Variants in ADAMTS3 observed in about 807,000 individuals in gnomAD.
ADAMTS3 encodes ADAM metallopeptidase with thrombospondin type 1 motif 3.
A neutral mutation model predicts 129.0 loss-of-function variants in ADAMTS3; 73 were observed. The observed-to-expected ratio is 0.57, with a 90% CI of 0.47 to 0.69. The LOEUF (loss-of-function observed/expected upper bound fraction) is 0.69, where lower values mean the gene tolerates loss of function less well. ADAMTS3 is among the 30% of genes least tolerant of loss of function. The pLI, the probability that ADAMTS3 is intolerant of heterozygous loss-of-function variation, is 0.00. For missense variants in ADAMTS3, 1,457 were observed against 1,514.5 expected, an observed-to-expected ratio of 0.96 and a Z score of 0.63; for synonymous variants, 477 against 510.8, an observed-to-expected ratio of 0.93 and a Z score of 0.89.
chr4:72,384,975 T>C (rs1387711341), intron 4 of ADAMTS3, among the ~76,000 whole-genome samples: 1 of 152,084 alleles, frequency 6.6e-6, no homozygotes, highest in African/African-American at 2.4e-5. Flanking sequence ...GAGACCATCC[T>C]GGCTAACACC....
At chr4:72,447,227 C>T (rs1188784544) in intron 3 of ADAMTS3, among the ~76,000 whole-genome samples, 1 of 151,694 alleles carries the variant, frequency 6.6e-6, no homozygotes, top group African/African-American at 2.4e-5. Flanking sequence ...TCCCTTATGT[C>T]TTTCTTTGCT....
chr4:72,326,710 G>A (rs1316382943), intron 5 of ADAMTS3, among the ~76,000 whole-genome samples: 1 of 152,026 alleles, frequency 6.6e-6, no homozygotes, highest in African/African-American at 2.4e-5. Flanking sequence ...AAAAAAAATT[G>A]TGAGTGTATT....
chr4:72,398,384 C>G (rs1208538849), intron 4 of ADAMTS3, among the ~76,000 whole-genome samples: 1 of 151,920 alleles, frequency 6.6e-6, no homozygotes, highest in Non-Finnish European at 1.5e-5. Flanking sequence ...TGGAGAAACC[C>G]CGTCTCTACT....
chr4:72,536,104 ATTAT>A (rs1474381065), intron 3 of ADAMTS3, among the ~76,000 whole-genome samples: 3 of 152,168 alleles, frequency 2.0e-5, no homozygotes, highest in Admixed American at 6.5e-5. Flanking sequence ...GTAAAACCTC[ATTAT>A]CGTAATGACA....
Position 72,282,973 on chromosome 4 carries a change from T to G in ADAMTS3, c.*163A>C. On this transcript the variant is annotated 3_prime_UTR_variant, in exon 22 of 22. Transcript: ENST00000286657. ...GAGTCAATGCAGAACAAAAGGAGGA[T>G]GAAAGCAACTAGAAAGTGAGCCAGC... The G allele has an allele frequency of 1.7e-6, 1 of 589,200 alleles. No homozygotes were observed. Among genetic ancestry groups the G allele is most frequent in the Middle Eastern group, 2.8e-4 (1 of 3,634 alleles). 36.5% of individuals were successfully genotyped at this position (589,200 alleles called of 1,614,324 possible).
At chr4:72,513,231 C>A (rs567921208) in intron 3 of ADAMTS3, among the ~76,000 whole-genome samples, 109 of 152,116 alleles carry the variant, frequency 7.2e-4, no homozygotes, top group Admixed American at 1.2e-3. Flanking sequence ...ATTCTATTTC[C>A]CATATTTCTT....
At chr4:72,304,728 G>C (rs1027360513) in intron 16 of ADAMTS3, among the ~76,000 whole-genome samples, 1 of 151,594 alleles carries the variant, frequency 6.6e-6, no homozygotes, top group African/African-American at 2.4e-5. Context: ...ATAATGAATG[G>C]GATTTTAAAT....
chr4:72,395,372 TAAGGACAAAAAAA>T (rs1721701381), intron 4 of ADAMTS3, among the ~76,000 whole-genome samples: 1 of 152,026 alleles, frequency 6.6e-6, no homozygotes. Flanking sequence ...CTAGCATGTA[TAAGGACAAAAAAA>T]GGCAAGGTTA....
In ADAMTS3 at chr4:72,548,904, A is replaced by G. The variant is rs988201416; in HGVS notation, c.98-20T>C. The G allele has an allele frequency of 1.9e-6, 3 of 1,593,538 alleles. No homozygotes were observed. Among genetic ancestry groups the G allele is most frequent in the Non-Finnish European group, 8.5e-7 (1 of 1,171,268 alleles). ...GTAAATCTGTGGGGTGAAAAACAGAACTGTCAAACCCTGTACAATAAGAGA... is the reference window on the plus strand; with the variant it reads ...GTAAATCTGTGGGGTGAAAAACAGAGCTGTCAAACCCTGTACAATAAGAGA... On this transcript the variant is annotated intron_variant, in intron 2 of 21. Coordinates refer to ENST00000286657, the MANE Select transcript of ADAMTS3 (RefSeq NM_014243.3).
At chr4:72,439,528 TAACA>T (rs1691347195) in intron 3 of ADAMTS3, among the ~76,000 whole-genome samples, 1 of 151,690 alleles carries the variant, frequency 6.6e-6, no homozygotes, top group Admixed American at 6.6e-5. Flanking sequence ...ATAGAACAAC[TAACA>T]GTGACTGGTA....
intron 3 of ADAMTS3, among the ~76,000 whole-genome samples, chr4:72,463,365 A>G (rs1165067603): frequency 6.6e-6 from 1 of 151,980 alleles, no homozygotes; most frequent in African/African-American, 2.4e-5. Flanking sequence ...GAAATGACCA[A>G]CCTCTCAAAA....
At chr4:72,328,957 CT>C (rs1047141040) in intron 5 of ADAMTS3, among the ~76,000 whole-genome samples, 20 of 152,228 alleles carry the variant, frequency 1.3e-4, no homozygotes, top group Admixed American at 1.3e-3. Flanking sequence ...CTCAGTATTC[CT>C]TTTCCTCAGA....
chr4:72,529,050 CT>C (rs1239892322), intron 3 of ADAMTS3, among the ~76,000 whole-genome samples: 1 of 152,058 alleles, frequency 6.6e-6, no homozygotes, highest in Non-Finnish European at 1.5e-5. Flanking sequence ...AAAATCCTTT[CT>C]GAGGAAATAT....
intron 16 of ADAMTS3, 108 bp downstream of exon 16, chr4:72,305,879 C>A: frequency 1.1e-6 from 1 of 892,028 alleles, no homozygotes; most frequent in Non-Finnish European, 1.8e-6. Context: ...TGTACATATA[C>A]GTATGCACAT....
chr4:72,531,527 G>A (rs1161261991), intron 3 of ADAMTS3, among the ~76,000 whole-genome samples: 1 of 152,086 alleles, frequency 6.6e-6, no homozygotes. Flanking sequence ...TGCAGGAGAG[G>A]GTTGGGTAAA....
intron 2 of ADAMTS3, among the ~76,000 whole-genome samples, chr4:72,564,189 C>T (rs778515793): frequency 5.9e-5 from 9 of 152,108 alleles, no homozygotes; most frequent in Non-Finnish European, 1.2e-4. Context: ...GACAGCTTAA[C>T]ACTAAAGGAT....
chr4:72,476,969 G>C (rs6846656), intron 3 of ADAMTS3, among the ~76,000 whole-genome samples: 6,931 of 152,114 alleles, frequency 0.046, 531 homozygotes, highest in African/African-American at 0.16. Flanking sequence ...TCATTTGACA[G>C]AATTCAATAT....
chr4:72,413,888 T>C (rs768130442), intron 4 of ADAMTS3, among the ~76,000 whole-genome samples: 7 of 151,374 alleles, frequency 4.6e-5, no homozygotes, highest in Non-Finnish European at 8.9e-5. Flanking sequence ...TTTCAAGATA[T>C]GTTAACTTTA....
At chr4:72,539,946 G>A (rs1158067952) in intron 3 of ADAMTS3, among the ~76,000 whole-genome samples, 6 of 152,072 alleles carry the variant, frequency 3.9e-5, no homozygotes, top group African/African-American at 1.2e-4. Flanking sequence ...TATCAGCAGC[G>A]TGAAAATGGA....
Sources: gnomAD v4.1 joint callset for allele counts (sites outside exome capture counted in the v4.1 genomes callset) on GRCh38, gnomAD v4.1.1 for gene constraint, MANE v1.5 for transcripts, NCBI Gene and HGNC (gene_info 2026-07-23, HGNC 2026-07-21) for gene names.